Variants in PANK1 observed in about 807,000 individuals in gnomAD.
PANK1 encodes the protein pantothenic acid kinase 1.
A neutral mutation model predicts 40.1 loss-of-function variants in PANK1; 18 were observed. The ratio of observed to expected loss-of-function variants is 0.45; its 90% CI spans 0.31 to 0.67. PANK1 has a LOEUF of 0.67. PANK1 is among the 30% of genes least tolerant of loss of function. The probability of loss-of-function intolerance (pLI) is 0.06; values close to 1 mark genes in which losing one functional copy is unlikely to be tolerated. For missense variants in PANK1, 457 were observed against 599.6 expected, an observed-to-expected ratio of 0.76 and a Z score of 2.48; for synonymous variants, 242 against 237.7, an observed-to-expected ratio of 1.02 and a Z score of -0.17.
intron 1 of PANK1, among the ~76,000 whole-genome samples, chr10:89,636,693 C>T (rs1218209782): frequency 4.6e-5 from 7 of 151,370 alleles, no homozygotes; most frequent in Admixed American, 6.6e-5. Flanking sequence ...CCTCGTGATC[C>T]GCCTGCCTTG....
chr10:89,586,324 A>G (rs970222599), intron 6 of PANK1, among the ~76,000 whole-genome samples: 1 of 152,100 alleles, frequency 6.6e-6, no homozygotes, highest in Non-Finnish European at 1.5e-5. Context: ...TTTTTTTTAA[A>G]GGCTGAGATG....
chr10:89,591,933 G>A (rs1319891416), intron 5 of PANK1, among the ~76,000 whole-genome samples: 2 of 152,210 alleles, frequency 1.3e-5, no homozygotes, highest in African/African-American at 4.8e-5. Flanking sequence ...CTATTGCTCT[G>A]TGGGGCAAGG....
At chr10:89,586,187 C>T (rs1165854553) in intron 6 of PANK1, among the ~76,000 whole-genome samples, 4 of 152,194 alleles carry the variant, frequency 2.6e-5, no homozygotes, top group Non-Finnish European at 5.9e-5. Flanking sequence ...AAGATCTGGA[C>T]TTATGGTTAC....
Position 89,611,748 on chromosome 10 carries a change from G to T in PANK1, c.593C>A (p.Thr198Asn). 1 of 1,614,108 alleles carries T rather than the reference G, an allele frequency of 6.2e-7. No homozygotes were observed. Among genetic ancestry groups the T allele is most frequent in the South Asian group, 1.1e-5 (1 of 91,072 alleles). Residue 198 changes from threonine (T) to asparagine (N), a missense_variant, in exon 2 of 7, where the codon ACC becomes AAC. By Grantham distance (65) the Thr-to-Asn change is moderately conservative. Around this residue, in one of 4 missense-constraint regions of PANK1, gnomAD observed 286 missense variants for 415.8 expected, o/e 0.69. Transcript: ENST00000307534. Reference sequence around the variant, plus strand: ...AGCCCCGCCTCCTGTGGCACAGAGGGTGGTGTGAAGGCTAGAGAAGTTCTT... The same window carrying T: ...AGCCCCGCCTCCTGTGGCACAGAGGTTGGTGTGAAGGCTAGAGAAGTTCTT... The part of the protein sequence containing the change: ...SEKNFSSLHT[T>N]LCATGGGAFK...
intron 1 of PANK1, among the ~76,000 whole-genome samples, chr10:89,618,452 C>T (rs778232627): frequency 2.0e-5 from 3 of 152,208 alleles, no homozygotes; most frequent in Admixed American, 1.3e-4. Context: ...CTAAATTAGG[C>T]ATCATCCAGA....
intron 1 of PANK1, among the ~76,000 whole-genome samples, chr10:89,612,690 A>G (rs1845197886): frequency 6.6e-6 from 1 of 152,234 alleles, no homozygotes; most frequent in Non-Finnish European, 1.5e-5. Flanking sequence ...TCTAAAAAGA[A>G]CAACTCGCAT....
intron 1 of PANK1, among the ~76,000 whole-genome samples, chr10:89,620,486 G>C (rs1845447638): frequency 6.6e-6 from 1 of 152,228 alleles, no homozygotes; most frequent in Non-Finnish European, 1.5e-5. Flanking sequence ...CCTCAGGCTT[G>C]CTAGGATTAG....
rs1289804908 is a variant in PANK1 at position 89,583,186 on chromosome 10, T to G, written c.*1220A>C. 6.6e-6 allele frequency: 1 copy of G among 152,172 alleles called. No individual in the cohort carries two copies. Among genetic ancestry groups the G allele is most frequent in the African/African-American group, 2.4e-5 (1 of 41,448 alleles). 9.4% of individuals were successfully genotyped at this position (152,172 alleles called of 1,614,324 possible). ...CAATACACAAGATCATGGGATCTCA[T>G]GCATCCCAATATTTGTACATGACCC... On this transcript the variant is annotated 3_prime_UTR_variant, in exon 7 of 7. Transcript: ENST00000307534.
chr10:89,580,168 T>G (rs567955616), downstream of PANK1: 1 of 152,340 alleles, frequency 6.6e-6, no homozygotes, highest in South Asian at 2.1e-4. Flanking sequence ...TCTCAATAAT[T>G]TTTATAGCCA....
chr10:89,636,492 C>T (rs2133029419), intron 1 of PANK1, among the ~76,000 whole-genome samples: 1 of 152,106 alleles, frequency 6.6e-6, no homozygotes, highest in South Asian at 2.1e-4. Flanking sequence ...TACTCTGTCA[C>T]CCAGGCTGGA....
chr10:89,611,793 A>G lies in PANK1; in HGVS notation c.548T>C (p.Phe183Ser). 1.9e-6 allele frequency: 3 copies of G among 1,614,174 alleles called. No homozygotes were observed. Among genetic ancestry groups the G allele is most frequent in the Non-Finnish European group, 2.5e-6 (3 of 1,179,990 alleles). The part of the protein sequence containing the change: ...IRFPSCAMHR[F>S]IQMGSEKNFS... ...GTTCTTCTCGCTGCCCATCTGAATGAACCTGTGCATAGCACAGCTGGGAAA... is the reference window on the plus strand; with the variant it reads ...GTTCTTCTCGCTGCCCATCTGAATGGACCTGTGCATAGCACAGCTGGGAAA... The change falls in exon 2 of 7, where the codon TTC becomes TCC. Residue 183 changes from phenylalanine (F) to serine (S), a missense_variant. By Grantham distance (155) the Phe-to-Ser change is radical (BLOSUM62 -2). Coordinates refer to ENST00000307534, the MANE Select transcript of PANK1 (RefSeq NM_148977.3).
intron 6 of PANK1, 44 bp from the exon 7 acceptor site, chr10:89,584,509 A>C (rs1449873657): frequency 6.3e-6 from 8 of 1,273,478 alleles, no homozygotes; most frequent in Non-Finnish European, 9.1e-6. Context: ...CCTTAGCCAA[A>C]TATGTATTGT....
Position 89,612,195 on chromosome 10 carries a change from A to C in PANK1, c.293-147T>G, listed in dbSNP as rs191357297. 3.9e-5 allele frequency: 28 copies of C among 709,296 alleles called. No individual in the cohort carries two copies. The East Asian group carries it at 6.8e-4, about 17-fold the overall frequency. The allele number at this position is 709,296 out of a possible 1,614,324, so 43.9% of individuals were successfully genotyped here. On this transcript the variant is annotated intron_variant, in intron 1 of 6. Transcript: ENST00000307534. ...TATTTGAATTCAACTATATGTGCCT[A>C]AAAGGTGGCACAGACAGAGAAAATT...
At chr10:89,635,412 C>G (rs1279557279) in intron 1 of PANK1, among the ~76,000 whole-genome samples, 1 of 152,140 alleles carries the variant, frequency 6.6e-6, no homozygotes, top group Non-Finnish European at 1.5e-5. Context: ...AGAGTGAACT[C>G]ACAGCCTCAA....
At chr10:89,631,977 T>TGTGTGTG (rs769932277) in intron 1 of PANK1, among the ~76,000 whole-genome samples, 68 of 16,360 alleles carry the variant, frequency 4.2e-3, no homozygotes, top group African/African-American at 0.015. Context: ...TGTGTGTGTG[T>TGTGTGTG]TTTTTTTTTT....
At chr10:89,590,035 G>GA (rs11389233) in intron 5 of PANK1, among the ~76,000 whole-genome samples, 31,477 of 100,260 alleles carry the variant, frequency 0.31, 3,563 homozygotes, top group East Asian at 0.43. Context: ...TGTTAAAAAA[G>GA]AAAAAAAAAA....
chr10:89,600,060 C>A (rs369302335), intron 2 of PANK1, among the ~76,000 whole-genome samples: 32 of 152,182 alleles, frequency 2.1e-4, no homozygotes, highest in African/African-American at 6.8e-4. Context: ...CAAAGAATGG[C>A]ATCTCCCCAA....
intron 1 of PANK1, among the ~76,000 whole-genome samples, chr10:89,643,491 C>T (rs1387631734): frequency 6.6e-6 from 1 of 152,138 alleles, no homozygotes; most frequent in Non-Finnish European, 1.5e-5. Flanking sequence ...ACAGTCATGT[C>T]AAAGGGCTTT....
chr10:89,632,758 A>G (rs993849741), intron 1 of PANK1, among the ~76,000 whole-genome samples: 16 of 152,212 alleles, frequency 1.1e-4, no homozygotes, highest in Non-Finnish European at 1.5e-5. Flanking sequence ...ACTAAGCCCA[A>G]CTACATTTAC....
Sources: allele counts gnomAD v4.1 joint callset (sites outside exome capture counted in the v4.1 genomes callset), GRCh38; gene constraint gnomAD v4.1.1; regional missense constraint gnomAD v4.1.1; transcripts MANE v1.5; gene names NCBI Gene and HGNC (gene_info 2026-07-23, HGNC 2026-07-21).